The following ANKS1B variants were observed in gnomAD, a reference collection of about 807,000 sequenced individuals.
ANKS1B encodes ankyrin repeat and sterile alpha motif domain containing 1B, also known as ankyrin repeat and sterile alpha motif domain-containing protein 1B.
Under a neutral mutation model 148.3 loss-of-function variants are expected in ANKS1B, and 36 were observed. That is an observed-to-expected ratio of 0.24 (90% CI 0.19 to 0.32). ANKS1B has a LOEUF of 0.32. ANKS1B is among the 10% of genes least tolerant of loss of function. The probability of loss-of-function intolerance (pLI) is 1.00; values close to 1 mark genes in which losing one functional copy is unlikely to be tolerated. For missense variants in ANKS1B, 1,157 were observed against 1,542.6 expected (o/e 0.75, Z 4.19); for synonymous variants, 542 against 560.8 (o/e 0.97, Z 0.47).
intron 6 of ANKS1B, among the ~76,000 whole-genome samples, chr12:99,776,402 T>C (rs1282061063): frequency 1.3e-5 from 2 of 152,320 alleles, no homozygotes; most frequent in Non-Finnish European, 2.9e-5. Flanking sequence ...AGATTACAAG[T>C]AAAGGAGGAG....
intron 12 of ANKS1B, among the ~76,000 whole-genome samples, chr12:99,313,279 T>C (rs1308032666): frequency 1.3e-5 from 2 of 152,040 alleles, no homozygotes; most frequent in Non-Finnish European, 2.9e-5. Flanking sequence ...TAATAGCCTA[T>C]CAACTAAAAA....
At chr12:99,568,841 T>C (rs911460637) in intron 9 of ANKS1B, among the ~76,000 whole-genome samples, 1 of 152,190 alleles carries the variant, frequency 6.6e-6, no homozygotes, top group Non-Finnish European at 1.5e-5. Context: ...GTGGCTTTCC[T>C]AGATCTCCCA....
chr12:98,757,496 T>G (rs2098278501), intron 25 of ANKS1B, among the ~76,000 whole-genome samples: 1 of 152,214 alleles, frequency 6.6e-6, no homozygotes, highest in Non-Finnish European at 1.5e-5. Context: ...AGATGACCCA[T>G]GAGCCCAGGA....
intron 1 of ANKS1B, among the ~76,000 whole-genome samples, chr12:99,865,574 A>G (rs1417606167): frequency 6.6e-6 from 1 of 152,224 alleles, no homozygotes; most frequent in Non-Finnish European, 1.5e-5. Flanking sequence ...GCTGCAAGTC[A>G]TAATTGCTGG....
rs1472956258 is a variant in ANKS1B, at chr12:98,854,034, T to A, written c.2779-21898A>T. Among the ~76,000 whole-genome samples the A allele has an allele frequency of 2.0e-5, 3 of 152,240 alleles. No homozygotes were observed. The East Asian group carries it at 5.8e-4, about 29-fold the overall frequency. Reference sequence around the variant, plus strand: ...GACTGGGCCCACCCCTCTGGACTCATCAGCAAGACATGCAAACCACATGAG... The same window carrying A: ...GACTGGGCCCACCCCTCTGGACTCAACAGCAAGACATGCAAACCACATGAG... On this transcript the variant is annotated intron_variant, in intron 17 of 26. Coordinates refer to ENST00000683438, the MANE Select transcript of ANKS1B (RefSeq NM_001352186.2).
chr12:99,292,687 A>G (rs12302594), intron 12 of ANKS1B, among the ~76,000 whole-genome samples: 48,450 of 152,068 alleles, frequency 0.32, 9,102 homozygotes, highest in African/African-American at 0.53. Context: ...AAAAGTGGGC[A>G]AAATATGTGA....
At chr12:99,511,030 G>C (rs1024101837) in intron 9 of ANKS1B, among the ~76,000 whole-genome samples, 3 of 151,892 alleles carry the variant, frequency 2.0e-5, no homozygotes, top group African/African-American at 7.3e-5. Flanking sequence ...TCTCTTGCCT[G>C]ATTGCCCTGG....
At chr12:98,768,482 C>T (rs1367994177) in intron 25 of ANKS1B, among the ~76,000 whole-genome samples, 4 of 139,850 alleles carry the variant, frequency 2.9e-5, no homozygotes, top group Admixed American at 7.5e-5. Flanking sequence ...TGCCTGTAAT[C>T]CCAGCACTTT....
At chr12:98,853,187 C>A (rs2099541081) in intron 17 of ANKS1B, among the ~76,000 whole-genome samples, 1 of 152,076 alleles carries the variant, frequency 6.6e-6, no homozygotes, top group Non-Finnish European at 1.5e-5. Context: ...ATATGAAAAC[C>A]CGGGTTTGAG....
intron 12 of ANKS1B, among the ~76,000 whole-genome samples, chr12:99,285,689 C>T (rs893051259): frequency 2.0e-5 from 3 of 152,078 alleles, no homozygotes; most frequent in East Asian, 1.9e-4. Flanking sequence ...AAGATGTTGG[C>T]GCCACCCCTC....
intron 12 of ANKS1B, among the ~76,000 whole-genome samples, chr12:99,275,263 C>T (rs991921246): frequency 6.6e-6 from 1 of 152,066 alleles, no homozygotes; most frequent in Non-Finnish European, 1.5e-5. Flanking sequence ...ACTATCGTCA[C>T]CCTGTTGTGC....
chr12:99,513,549 T>G (rs537524442), intron 9 of ANKS1B, among the ~76,000 whole-genome samples: 42 of 152,094 alleles, frequency 2.8e-4, no homozygotes, highest in Non-Finnish European at 4.9e-4. Flanking sequence ...AACATTTTGT[T>G]AAGTTTTCCT....
chr12:99,213,890 T>C (rs561036728), intron 14 of ANKS1B, among the ~76,000 whole-genome samples: 1 of 152,280 alleles, frequency 6.6e-6, no homozygotes, highest in Admixed American at 6.5e-5. Flanking sequence ...CTCTATGTAA[T>C]TACAAAGCTC....
intron 17 of ANKS1B, among the ~76,000 whole-genome samples, chr12:98,852,776 C>T (rs898947239): frequency 3.9e-5 from 6 of 152,034 alleles, no homozygotes; most frequent in African/African-American, 1.5e-4. Flanking sequence ...CAAATTGCCT[C>T]CTCCATTAAA....
intron 15 of ANKS1B, among the ~76,000 whole-genome samples, chr12:99,111,871 C>T (rs377448829): frequency 5.9e-5 from 9 of 151,936 alleles, no homozygotes; most frequent in Admixed American, 2.6e-4. Flanking sequence ...CAGATCATCA[C>T]GCTTGAGGAT....
intron 16 of ANKS1B, among the ~76,000 whole-genome samples, chr12:99,077,120 C>A (rs142520247): frequency 2.6e-4 from 40 of 152,236 alleles, no homozygotes; most frequent in African/African-American, 8.9e-4. Context: ...TGTAAGAACC[C>A]TGGGAATACC....
chr12:99,971,180 T>C (rs1381395191), intron 1 of ANKS1B, among the ~76,000 whole-genome samples: 1 of 152,158 alleles, frequency 6.6e-6, no homozygotes, highest in East Asian at 1.9e-4. Context: ...AACAAACCCA[T>C]GAAAAATTTT....
chr12:99,459,214 C>G (rs1170354418), intron 10 of ANKS1B, among the ~76,000 whole-genome samples: 2 of 152,052 alleles, frequency 1.3e-5, no homozygotes, highest in Non-Finnish European at 2.9e-5. Flanking sequence ...TCCAGCATCC[C>G]TTTATGATTA....
intron 1 of ANKS1B, among the ~76,000 whole-genome samples, chr12:99,908,030 A>C (rs2093856006): frequency 6.6e-6 from 1 of 152,172 alleles, no homozygotes; most frequent in Non-Finnish European, 1.5e-5. Flanking sequence ...ACCTGCTAGT[A>C]CTGATCATCT....
Sources: allele counts gnomAD v4.1 joint callset (sites outside exome capture counted in the v4.1 genomes callset), GRCh38; gene constraint gnomAD v4.1.1; transcripts MANE v1.5; gene names NCBI Gene and HGNC (gene_info 2026-07-23, HGNC 2026-07-21).